The following RYR3 variants were observed in gnomAD, a reference collection of about 807,000 sequenced individuals.
RYR3 encodes ryanodine receptor 3.
In RYR3, 207 loss-of-function variants were observed where a neutral mutation model predicts 584.3. The ratio of observed to expected loss-of-function variants is 0.35; its 90% confidence interval spans 0.32 to 0.40. The LOEUF (loss-of-function observed/expected upper bound fraction) is 0.40. RYR3 is among the 10% of genes least tolerant of loss of function. The pLI is 1.00. For missense variants in RYR3, 5,616 were observed against 6,089.2 expected, an observed-to-expected ratio of 0.92 and a Z score of 2.59; for synonymous variants, 2,416 against 2,248.5, an observed-to-expected ratio of 1.07 and a Z score of -2.11.
At chr15:33,589,113 G>A (rs1218473449) in intron 16 of RYR3, among the ~76,000 whole-genome samples, 5 of 152,004 alleles carry the variant, frequency 3.3e-5, no homozygotes, top group African/African-American at 1.2e-4. Flanking sequence ...TATCCTCACC[G>A]ACATTTATTA....
At chr15:33,528,269 C>T (rs537986024) in intron 3 of RYR3, among the ~76,000 whole-genome samples, 12 of 152,304 alleles carry the variant, frequency 7.9e-5, no homozygotes, top group African/African-American at 2.4e-4. Flanking sequence ...CCACCCCTCA[C>T]CTACATCCTG....
chr15:33,431,784 A>G (rs1214041400), intron 1 of RYR3, among the ~76,000 whole-genome samples: 1 of 152,176 alleles, frequency 6.6e-6, no homozygotes, highest in Non-Finnish European at 1.5e-5. Context: ...GACGGAGGAT[A>G]ATCATAGAGG....
At chr15:33,670,761 C>T (rs1325170088) in intron 38 of RYR3, among the ~76,000 whole-genome samples, 1 of 152,008 alleles carries the variant, frequency 6.6e-6, no homozygotes, top group East Asian at 1.9e-4. Context: ...TCATACTGTC[C>T]TGAAACCTGA....
At chr15:33,808,939 C>G (rs976091329) in intron 70 of RYR3, among the ~76,000 whole-genome samples, 32 of 152,160 alleles carry the variant, frequency 2.1e-4, no homozygotes, top group Non-Finnish European at 2.9e-5. Flanking sequence ...TTTGGCCAGA[C>G]TAGGGTTCTG....
chr15:33,631,920 C>G (rs545745104), intron 23 of RYR3, among the ~76,000 whole-genome samples: 2 of 152,320 alleles, frequency 1.3e-5, no homozygotes, highest in African/African-American at 4.8e-5. Flanking sequence ...AAACGTTTAT[C>G]TTCCCCCTTC....
In RYR3 at chr15:33,623,951, T is replaced by A. The variant is rs2229118; in HGVS notation, c.2502T>A (p.Ile834=). The A allele has an allele frequency of 9.8e-3, 15,766 of 1,613,934 alleles. 1,122 individuals carry two copies. In the African/African-American group the frequency reaches 0.17, roughly 17 times the overall value. ...VKEYKRDADG[I]RDLLGTTQFL... is the part of the protein sequence containing the mutation. The stretch of plus-strand genomic sequence containing the variant: ...AATATAAACGTGATGCTGATGGCAT[T>A]AGAGATCTCTTGGGTACCACCCAGT... The change falls in exon 20 of 104, where the codon ATT becomes ATA. Residue 834 remains isoleucine, a synonymous_variant. Coordinates refer to ENST00000634891, the MANE Select transcript of RYR3 (RefSeq NM_001036.6).
chr15:33,719,174 G>C (rs973394894), intron 43 of RYR3, among the ~76,000 whole-genome samples: 3 of 152,214 alleles, frequency 2.0e-5, no homozygotes, highest in Non-Finnish European at 2.9e-5. Flanking sequence ...GTCTTAGAGC[G>C]TGCTCTGCAT....
At chr15:33,862,086 G>C (rs921836632) in intron 102 of RYR3, among the ~76,000 whole-genome samples, 6 of 152,030 alleles carry the variant, frequency 3.9e-5, no homozygotes, top group Non-Finnish European at 7.3e-5. Flanking sequence ...TGTATAGAGT[G>C]TATAGATTTT....
chr15:33,514,545 G>A (rs1369089978), intron 3 of RYR3, among the ~76,000 whole-genome samples: 1 of 152,008 alleles, frequency 6.6e-6, no homozygotes, highest in African/African-American at 2.4e-5. Context: ...TCATGGTGGA[G>A]CCATTCCTTA....
intron 91 of RYR3, 40 bp downstream of exon 91, chr15:33,842,075 T>C (rs755010542): frequency 6.4e-7 from 1 of 1,573,032 alleles, no homozygotes; most frequent in South Asian, 1.2e-5. Flanking sequence ...GGTGCAGGGA[T>C]TGGCCCAGGC....
intron 87 of RYR3, among the ~76,000 whole-genome samples, chr15:33,835,785 G>T (rs1317588814): frequency 6.6e-6 from 1 of 152,200 alleles, no homozygotes. Context: ...CCTTACGGGA[G>T]GAGAGAGTTC....
intron 102 of RYR3, among the ~76,000 whole-genome samples, chr15:33,862,536 A>G (rs1465953507): frequency 6.6e-6 from 1 of 152,204 alleles, no homozygotes; most frequent in Non-Finnish European, 1.5e-5. Context: ...GAGCAGGCTC[A>G]GCCTTTGGAG....
chr15:33,839,155 T>C (rs1209627270), intron 89 of RYR3, among the ~76,000 whole-genome samples, 197 bp downstream of exon 89: 1 of 152,202 alleles, frequency 6.6e-6, no homozygotes, highest in Non-Finnish European at 1.5e-5. Context: ...GTTATCTCAG[T>C]GCCTAGTCAT....
At chr15:33,445,664 AACACACACACACACAC>A (rs61585713) in intron 1 of RYR3, among the ~76,000 whole-genome samples, 45 of 106,038 alleles carry the variant, frequency 4.2e-4, no homozygotes, top group South Asian at 3.5e-3. Context: ...TTCCCCCACC[AACACACACACACACAC>A]ACACACACAC....
At chr15:33,761,522 A>G (rs758514331) in intron 60 of RYR3, among the ~76,000 whole-genome samples, 17 of 152,152 alleles carry the variant, frequency 1.1e-4, no homozygotes, top group Non-Finnish European at 2.4e-4. Context: ...AAATTCCTGG[A>G]CACCACATAC....
At chr15:33,736,847 C>G (rs2069518884) in intron 49 of RYR3, among the ~76,000 whole-genome samples, 1 of 152,050 alleles carries the variant, frequency 6.6e-6, no homozygotes, top group Non-Finnish European at 1.5e-5. Flanking sequence ...CTCCCAGGTT[C>G]AAGCAATTCT....
rs544583077 is a variant in RYR3 at position 33,437,049 on chromosome 15, A to T, written c.52-36370A>T. Among the ~76,000 whole-genome samples the T allele has an allele frequency of 5.9e-5, 9 of 151,750 alleles. No homozygotes were observed. The South Asian group carries it at 1.3e-3, about 21-fold the overall frequency. On this transcript the variant is annotated intron_variant, in intron 1 of 103. Transcript: ENST00000634891. ...TGTCTTAGCATCACTTATTGTAATG[A>T]TTTATACTTTCAACTCTGTCAATAT...
At chr15:33,457,280 T>C (rs1468045486) in intron 1 of RYR3, among the ~76,000 whole-genome samples, 1 of 152,194 alleles carries the variant, frequency 6.6e-6, no homozygotes, top group Non-Finnish European at 1.5e-5. Context: ...GAAATCGGTA[T>C]GTCAAAGAGA....
In RYR3 at chr15:33,644,479, C is replaced by T. The variant is rs1274128199; in HGVS notation, c.3725C>T (p.Pro1242Leu). 14 of 1,613,698 alleles carry T rather than the reference C, an allele frequency of 8.7e-6. No homozygotes were observed. Among genetic ancestry groups the T allele is most frequent in the South Asian group, 4.4e-5 (4 of 91,034 alleles). ...DVAMWFSKRL[P>L]TFVNVPKDHP... ...GCTATGTGGTTCAGCAAGCGCCTCC[C>T]GACGTTTGTCAACGTGCCAAAGGAT... is the stretch of plus-strand genomic sequence containing the variant. Residue 1242 changes from proline to leucine, a missense_variant, in exon 28 of 104, where the codon CCG becomes CTG. Pro to Leu is a moderately conservative substitution (Grantham distance 98). Coordinates refer to ENST00000634891, the MANE Select transcript of RYR3 (RefSeq NM_001036.6).
Sources: allele counts gnomAD v4.1 joint callset (sites outside exome capture counted in the v4.1 genomes callset), GRCh38; gene constraint gnomAD v4.1.1; transcripts MANE v1.5; gene names NCBI Gene and HGNC (gene_info 2026-07-23, HGNC 2026-07-21).